SPATA16: variants seen among roughly 807,000 people sequenced by gnomAD.
SPATA16 encodes spermatogenesis-associated protein 16.
Under a neutral mutation model 63.3 loss-of-function variants are expected in SPATA16, and 36 were observed. The observed-to-expected ratio is 0.57, with a 90% CI of 0.44 to 0.75. The LOEUF (loss-of-function observed/expected upper bound fraction) is 0.75, where lower values mean the gene tolerates loss of function less well. Among genes scored for constraint, SPATA16 ranks in the 30% least tolerant of loss-of-function variants. SPATA16 has a pLI of 0.00. For synonymous variants in SPATA16, 203 were observed against 216.7 expected (o/e 0.94, Z 0.56); for missense variants, 646 against 679.3 (o/e 0.95, Z 0.54).
intron 10 of SPATA16, among the ~76,000 whole-genome samples, chr3:172,893,120 A>C (rs541971242): frequency 6.6e-6 from 1 of 152,308 alleles, no homozygotes; most frequent in South Asian, 2.1e-4. Context: ...ACACTTAAAC[A>C]CTACTATTAT....
At chr3:173,038,616 C>T (rs761326379) in intron 3 of SPATA16, among the ~76,000 whole-genome samples, 16 of 151,990 alleles carry the variant, frequency 1.1e-4, no homozygotes, top group Non-Finnish European at 1.9e-4. Flanking sequence ...AATTGGGAGG[C>T]TAAAAACAGA....
At chr3:173,029,072 A>C (rs1247768224) in intron 3 of SPATA16, among the ~76,000 whole-genome samples, 1 of 152,058 alleles carries the variant, frequency 6.6e-6, no homozygotes, top group Admixed American at 6.6e-5. Flanking sequence ...TCAGTTCAAC[A>C]TAAGGGGGGA....
At chr3:172,949,679 C>T (rs1315201141) in intron 6 of SPATA16, among the ~76,000 whole-genome samples, 4 of 151,944 alleles carry the variant, frequency 2.6e-5, no homozygotes, top group African/African-American at 4.8e-5. Flanking sequence ...TTGAGAACTC[C>T]GTCGCCTGCT....
intron 1 of SPATA16, among the ~76,000 whole-genome samples, chr3:173,120,799 C>T (rs558429885): frequency 1.3e-5 from 2 of 152,282 alleles, no homozygotes; most frequent in Non-Finnish European, 2.9e-5. Context: ...ATGTCCCTCA[C>T]TCCGAGCCTT....
At chr3:173,017,087 C>T (rs1201849896) in intron 4 of SPATA16, among the ~76,000 whole-genome samples, 1 of 151,846 alleles carries the variant, frequency 6.6e-6, no homozygotes, top group Non-Finnish European at 1.5e-5. Flanking sequence ...CTAAGATACA[C>T]TACGATATTT....
intron 2 of SPATA16, among the ~76,000 whole-genome samples, chr3:173,055,837 T>G (rs1462379431): frequency 6.6e-6 from 1 of 152,194 alleles, no homozygotes; most frequent in Non-Finnish European, 1.5e-5. Context: ...TGGGAGAAAC[T>G]GCATAAACGG....
chr3:172,968,488 G>A (rs910925134), intron 5 of SPATA16, among the ~76,000 whole-genome samples: 4 of 152,116 alleles, frequency 2.6e-5, no homozygotes, highest in African/African-American at 4.8e-5. Flanking sequence ...AGAGGAATGG[G>A]GTAGTAAAAA....
chr3:172,934,069 T>G (rs1402271140), intron 6 of SPATA16, among the ~76,000 whole-genome samples: 1 of 152,160 alleles, frequency 6.6e-6, no homozygotes, highest in African/African-American at 2.4e-5. Context: ...CTTACATTTA[T>G]AAGTATAATA....
chr3:173,043,018 G>A (rs1735878693), intron 3 of SPATA16, among the ~76,000 whole-genome samples: 1 of 151,964 alleles, frequency 6.6e-6, no homozygotes, highest in Non-Finnish European at 1.5e-5. Flanking sequence ...TATGTTTATT[G>A]TATAGTGTAT....
intron 4 of SPATA16, among the ~76,000 whole-genome samples, chr3:172,995,339 CA>C (rs1360610677): frequency 1.3e-5 from 2 of 151,910 alleles, no homozygotes; most frequent in African/African-American, 4.8e-5. Context: ...CTACTTTCCA[CA>C]AAGGCTAGAT....
At chr3:173,088,598 G>A (rs997428482) in intron 2 of SPATA16, among the ~76,000 whole-genome samples, 4 of 151,848 alleles carry the variant, frequency 2.6e-5, no homozygotes, top group African/African-American at 7.3e-5. Context: ...TTTTTTGGTT[G>A]TTTACCAAGA....
chr3:173,107,395 A>C (rs1454740931), intron 2 of SPATA16, among the ~76,000 whole-genome samples: 1 of 152,050 alleles, frequency 6.6e-6, no homozygotes, highest in Non-Finnish European at 1.5e-5. Flanking sequence ...CTAGGTATTC[A>C]TAACAATTCC....
chr3:173,109,891 G>T (rs151121299), intron 2 of SPATA16, among the ~76,000 whole-genome samples: 2 of 152,186 alleles, frequency 1.3e-5, no homozygotes, highest in Non-Finnish European at 2.9e-5. Context: ...GCTGGTAAAT[G>T]CTAGTGGTAT....
intron 6 of SPATA16, among the ~76,000 whole-genome samples, chr3:172,952,543 A>G (rs997650238): frequency 2.0e-5 from 3 of 152,140 alleles, no homozygotes; most frequent in South Asian, 4.1e-4. Context: ...GAAGTGACAT[A>G]TATCACATCT....
chr3:172,940,792 G>A (rs988810141), intron 6 of SPATA16, among the ~76,000 whole-genome samples: 1 of 152,052 alleles, frequency 6.6e-6, no homozygotes, highest in Non-Finnish European at 1.5e-5. Flanking sequence ...AGACCAGCCT[G>A]GGCAACATGG....
intron 2 of SPATA16, among the ~76,000 whole-genome samples, chr3:173,089,010 G>T (rs1737156064): frequency 6.6e-6 from 1 of 152,152 alleles, no homozygotes; most frequent in South Asian, 2.1e-4. Flanking sequence ...ACCCCAGAAT[G>T]AACTGAATTC....
At position 172,918,937 on chromosome 3, in the gene SPATA16, T is replaced by TC. The variant is rs533829247; in HGVS notation, c.1339-2457dup. On this transcript the variant is annotated intron_variant, in intron 8 of 10. Coordinates refer to ENST00000351008, the MANE Select transcript of SPATA16 (RefSeq NM_031955.6). ...TATATTATACTGCTGAAAAGCGGAG[T>TC]CCAAGTCTTTGGAATGTATTTCCAT... Among the ~76,000 whole-genome samples the TC allele has an allele frequency of 1.1e-3, 166 of 152,180 alleles. 1 individual carries two copies. In the South Asian group the frequency reaches 0.031, roughly 29 times the overall value.
intron 4 of SPATA16, among the ~76,000 whole-genome samples, chr3:172,983,276 C>T (rs963616438): frequency 6.6e-6 from 1 of 151,778 alleles, no homozygotes; most frequent in Non-Finnish European, 1.5e-5. Context: ...CTTCTTTTCC[C>T]TATGTTAATT....
chr3:172,924,370 A>C, intron 7 of SPATA16, 53 bp from the exon 8 acceptor site: 1 of 1,414,682 alleles, frequency 7.1e-7, no homozygotes, highest in African/African-American at 1.4e-5. Context: ...CTTCCATTTC[A>C]AAATATTTTC....
Sources: allele counts gnomAD v4.1 joint callset (sites outside exome capture counted in the v4.1 genomes callset), GRCh38; gene constraint gnomAD v4.1.1; transcripts MANE v1.5; gene names NCBI Gene and HGNC (gene_info 2026-07-23, HGNC 2026-07-21).